Variants in CDH9 observed in about 807,000 individuals in gnomAD.
CDH9 encodes cadherin 9.
In CDH9, 28 loss-of-function variants were observed where a neutral mutation model predicts 70.9. The observed-to-expected ratio is 0.40, with a 90% CI of 0.29 to 0.54. The LOEUF is 0.54. Among genes scored for constraint, CDH9 ranks in the 20% least tolerant of loss-of-function variants. The pLI is 0.59. For missense variants in CDH9, 874 were observed against 984.4 expected (o/e 0.89, Z 1.50); for synonymous variants, 409 against 343.1 (o/e 1.19, Z -2.12).
At chr5:27,006,137 TAACA>T (rs1025904905) in intron 1 of CDH9, among the ~76,000 whole-genome samples, 14 of 152,068 alleles carry the variant, frequency 9.2e-5, no homozygotes, top group Non-Finnish European at 1.9e-4. Context: ...TGCACCTTTG[TAACA>T]AACCTTCACA....
In CDH9 at chr5:26,988,194, A is replaced by T. The variant is rs142920028; in HGVS notation, c.140T>A (p.Met47Lys). The change falls in exon 2 of 12, where the codon ATG (methionine) becomes AAG (lysine). Residue 47 changes from methionine to lysine, a missense_variant. Met to Lys is a moderately conservative substitution (Grantham distance 95, BLOSUM62 -1). Transcript: ENST00000231021. ...CCAGCCACGCTTGGTGCGACGTAGC[A>T]TTTTACCGTCATCTTTTGTCAGACC... ...IAGLTKDDGK[M>K]LRRTKRGWMW... The T allele has an allele frequency of 3.6e-5, 58 of 1,613,408 alleles. No individual in the cohort carries two copies. Among genetic ancestry groups the T allele is most frequent in the Non-Finnish European group, 4.7e-5 (56 of 1,179,650 alleles).
At chr5:26,909,878 G>C (rs929500299) in intron 3 of CDH9, among the ~76,000 whole-genome samples, 1 of 151,558 alleles carries the variant, frequency 6.6e-6, no homozygotes, top group African/African-American at 2.4e-5. Context: ...TAAATAATTC[G>C]GTGGCTAAAG....
intron 2 of CDH9, among the ~76,000 whole-genome samples, chr5:26,979,455 A>G (rs1223678638): frequency 6.6e-6 from 1 of 151,716 alleles, no homozygotes; most frequent in Non-Finnish European, 1.5e-5. Context: ...GAAAAAAATT[A>G]AAAAAACAGA....
intron 1 of CDH9, among the ~76,000 whole-genome samples, chr5:26,996,696 A>G (rs1039613539): frequency 2.0e-4 from 30 of 151,662 alleles, no homozygotes; most frequent in Non-Finnish European, 1.5e-5. Context: ...AAATATATAC[A>G]TATTTAATCA....
At chr5:27,023,473 A>C (rs2112127843) in intron 1 of CDH9, among the ~76,000 whole-genome samples, 1 of 152,206 alleles carries the variant, frequency 6.6e-6, no homozygotes, top group Admixed American at 6.6e-5. Context: ...TAATTTTGTA[A>C]AAATATATAG....
At chr5:26,899,393 C>T (rs866706089) in intron 7 of CDH9, among the ~76,000 whole-genome samples, 1 of 152,236 alleles carries the variant, frequency 6.6e-6, no homozygotes, top group African/African-American at 2.4e-5. Flanking sequence ...CACCACTATT[C>T]ACAATAGCAA....
At position 26,950,432 on chromosome 5, in the gene CDH9, C is replaced by T. The variant is rs142013737; in HGVS notation, c.229-34508G>A. Among the ~76,000 whole-genome samples the T allele has an allele frequency of 3.1e-3, 472 of 152,142 alleles. 1 individual carries two copies. The highest frequency in any genetic ancestry group is 0.011 in the African/African-American group (456 of 41,526). ...CCAGATTATGTAAATGATAATTTCT[C>T]AAGATGAAAAAATATTTTATGTTCT... is the stretch of plus-strand genomic sequence containing the variant. On this transcript the variant is annotated intron_variant, in intron 2 of 11. Transcript: ENST00000231021.
intron 1 of CDH9, among the ~76,000 whole-genome samples, chr5:27,031,217 A>G (rs1743305628): frequency 6.6e-6 from 1 of 151,890 alleles, no homozygotes; most frequent in African/African-American, 2.4e-5. Context: ...GAAGGTTTAT[A>G]AAACATCCCT....
chr5:27,003,125 A>G (rs1742800589), intron 1 of CDH9, among the ~76,000 whole-genome samples: 1 of 152,034 alleles, frequency 6.6e-6, no homozygotes, highest in Non-Finnish European at 1.5e-5. Flanking sequence ...AAGCTGAAAA[A>G]CCCAAATTCA....
At position 27,035,675 on chromosome 5, in the gene CDH9, C is replaced by CGTGTGT. The variant is rs56317555; in HGVS notation, c.-50+2782_-50+2787dup. On this transcript the variant is annotated intron_variant, in intron 1 of 11. Coordinates refer to ENST00000231021, the MANE Select transcript of CDH9 (RefSeq NM_016279.4). ...TACTCTATGTTAATATTGCTATTGA[C>CGTGTGT]GTGTGTGTGTGTGTGTGTGTGTGTG... Among the ~76,000 whole-genome samples the CGTGTGT allele has an allele frequency of 8.4e-5, 12 of 142,880 alleles. No individual in the cohort carries two copies. The South Asian group carries it at 9.1e-4, about 11-fold the overall frequency. 93.7% of individuals were successfully genotyped at this position (142,880 alleles called of 152,430 possible). A position where few individuals can be genotyped will look rare whatever the true frequency, so the allele number is the denominator to read the frequency against.
chr5:26,999,994 T>C (rs757373856), intron 1 of CDH9, among the ~76,000 whole-genome samples: 1 of 152,104 alleles, frequency 6.6e-6, no homozygotes, highest in Non-Finnish European at 1.5e-5. Context: ...GAATTTTAGA[T>C]ACAACACTAA....
chr5:27,009,288 A>T (rs1742917441), intron 1 of CDH9, among the ~76,000 whole-genome samples: 1 of 152,148 alleles, frequency 6.6e-6, no homozygotes, highest in Non-Finnish European at 1.5e-5. Context: ...AGTTTAGAGG[A>T]AGCATCACAA....
intron 2 of CDH9, among the ~76,000 whole-genome samples, chr5:26,981,956 A>G (rs1044677391): frequency 1.3e-5 from 2 of 152,072 alleles, no homozygotes; most frequent in Non-Finnish European, 2.9e-5. Flanking sequence ...CATCATCATC[A>G]TCATCATTTA....
chr5:26,924,648 A>G (rs958961972), intron 2 of CDH9, among the ~76,000 whole-genome samples: 3 of 151,680 alleles, frequency 2.0e-5, no homozygotes, highest in Admixed American at 1.3e-4. Flanking sequence ...TGCTGCACCC[A>G]TTAACTCGTG....
chr5:27,022,053 C>T (rs893155943), intron 1 of CDH9, among the ~76,000 whole-genome samples: 1 of 151,912 alleles, frequency 6.6e-6, no homozygotes, highest in East Asian at 1.9e-4. Context: ...TATCTTACAC[C>T]TTCATGCTTT....
At chr5:27,022,331 A>AT in intron 1 of CDH9, among the ~76,000 whole-genome samples, 1 of 152,134 alleles carries the variant, frequency 6.6e-6, no homozygotes, top group East Asian at 1.9e-4. Flanking sequence ...TGATTCCAAC[A>AT]TTTACCTTTA....
At chr5:26,954,694 CT>C (rs550253876) in intron 2 of CDH9, among the ~76,000 whole-genome samples, 3 of 151,328 alleles carry the variant, frequency 2.0e-5, no homozygotes, top group Admixed American at 6.6e-5. Flanking sequence ...CTATAACAGC[CT>C]TTTTTTTATT....
chr5:27,029,878 A>G (rs370712689), intron 1 of CDH9, among the ~76,000 whole-genome samples: 2 of 151,956 alleles, frequency 1.3e-5, no homozygotes, highest in South Asian at 4.2e-4. Context: ...TGACATCGCT[A>G]TGACATGGAA....
chr5:26,942,759 T>C lies in CDH9; in HGVS notation c.229-26835A>G, dbSNP rs78695433. On this transcript the variant is annotated intron_variant, in intron 2 of 11. Transcript: ENST00000231021. ...CTTATGTCTGGTTTAACCAGTTACATAGACTAACTTGGCTACATAACCTCA... is the reference window on the plus strand; with the variant it reads ...CTTATGTCTGGTTTAACCAGTTACACAGACTAACTTGGCTACATAACCTCA... 1.9e-4 allele frequency among the ~76,000 whole-genome samples: 29 copies of C among 152,314 alleles called. 1 individual carries two copies. The East Asian group carries it at 5.4e-3, about 28-fold the overall frequency.
Sources: allele counts gnomAD v4.1 joint callset (sites outside exome capture counted in the v4.1 genomes callset), GRCh38; gene constraint gnomAD v4.1.1; transcripts MANE v1.5; gene names NCBI Gene and HGNC (gene_info 2026-07-23, HGNC 2026-07-21).